The following GRID2 variants were observed in gnomAD, a reference collection of about 807,000 sequenced individuals.
The protein encoded by GRID2 is glutamate receptor ionotropic, delta-2.
In GRID2, 33 loss-of-function variants were observed where a neutral mutation model predicts 114.8. The ratio of observed to expected loss-of-function variants is 0.29; its 90% CI spans 0.22 to 0.38. The LOEUF is 0.38. GRID2 is among the 10% of genes least tolerant of loss of function. The probability of loss-of-function intolerance (pLI) is 1.00; values close to 1 mark genes in which losing one functional copy is unlikely to be tolerated. For synonymous variants in GRID2, 505 were observed against 449.9 expected, an observed-to-expected ratio of 1.12 and a Z score of -1.55; for missense variants, 1,184 against 1,257.7, an observed-to-expected ratio of 0.94 and a Z score of 0.89.
intron 4 of GRID2, among the ~76,000 whole-genome samples, chr4:93,182,054 T>G (rs1739944025): frequency 6.6e-6 from 1 of 152,170 alleles, no homozygotes; most frequent in Non-Finnish European, 1.5e-5. Context: ...CTATTTGGCC[T>G]GTCACATTGG....
At chr4:93,344,762 T>A (rs1461796065) in intron 8 of GRID2, among the ~76,000 whole-genome samples, 1 of 151,734 alleles carries the variant, frequency 6.6e-6, no homozygotes, top group Non-Finnish European at 1.5e-5. Flanking sequence ...TTAACCAGTA[T>A]CTCCCCATTT....
chr4:92,633,777 A>G (rs1730925443), intron 2 of GRID2, among the ~76,000 whole-genome samples: 1 of 152,170 alleles, frequency 6.6e-6, no homozygotes. Context: ...CTAAAAACAA[A>G]ATTACCAGTT....
chr4:93,113,984 A>G (rs1281747197), intron 4 of GRID2, among the ~76,000 whole-genome samples: 1 of 152,148 alleles, frequency 6.6e-6, no homozygotes, highest in Non-Finnish European at 1.5e-5. Flanking sequence ...TTTGGTGACG[A>G]AAGTAAGGGT....
chr4:92,435,027 C>A (rs1732667173), intron 1 of GRID2, among the ~76,000 whole-genome samples: 1 of 152,042 alleles, frequency 6.6e-6, no homozygotes, highest in Non-Finnish European at 1.5e-5. Context: ...ATATTTATAT[C>A]CAAGATTATT....
intron 2 of GRID2, among the ~76,000 whole-genome samples, chr4:92,975,156 C>CAAAAAAAAGAAAAAAAAAAA (rs1753785576): frequency 2.1e-5 from 1 of 46,692 alleles, no homozygotes. Flanking sequence ...GATTCCGCCT[C>CAAAAAAAAGAAAAAAAAAAA]AAAAAAAAAA....
At position 92,550,507 on chromosome 4, in the gene GRID2, G is replaced by A. The variant is rs191667977; in HGVS notation, c.89-39624G>A. ...CAACCCATTTTTTAAAAAAGTATGA[G>A]TATAATCTGGATTCCTGTGAGTATA... On this transcript the variant is annotated intron_variant, in intron 1 of 15. Transcript: ENST00000282020. 7.2e-4 allele frequency among the ~76,000 whole-genome samples: 110 copies of A among 152,198 alleles called. 1 individual carries two copies. The highest frequency in any genetic ancestry group is 7.1e-3 in the Admixed American group (109 of 15,272).
Position 92,900,936 on chromosome 4 carries a change from C to CTGTGTGTGTGTGTGTGTGTGTG in GRID2, c.245-184046_245-184045insGTGTGTGTGTGTGTGTGTGTGT, listed in dbSNP as rs67753622. On this transcript the variant is annotated intron_variant, in intron 2 of 15. Coordinates refer to ENST00000282020, the MANE Select transcript of GRID2 (RefSeq NM_001510.4). ...TGTTTTATGACTGAGTAGTATTCGT[C>CTGTGTGTGTGTGTGTGTGTGTG]TGTGTGTGTGTGTATTTCCCATTTT... Among the ~76,000 whole-genome samples the CTGTGTGTGTGTGTGTGTGTGTG allele has an allele frequency of 8.1e-4, 122 of 149,870 alleles. 2 individuals are homozygous for CTGTGTGTGTGTGTGTGTGTGTG. The highest frequency in any genetic ancestry group is 2.1e-3 in the African/African-American group (87 of 40,698).
intron 3 of GRID2, among the ~76,000 whole-genome samples, chr4:93,094,781 A>G (rs148697809): frequency 8.3e-4 from 127 of 152,178 alleles, no homozygotes; most frequent in South Asian, 4.8e-3. Context: ...AGATGGGAAA[A>G]CAAAGATAAA....
intron 1 of GRID2, among the ~76,000 whole-genome samples, chr4:92,353,481 G>T (rs182944413): frequency 1.3e-5 from 2 of 151,788 alleles, no homozygotes; most frequent in South Asian, 2.1e-4. Flanking sequence ...CCTTCCTCAG[G>T]GTTTGTTGTT....
intron 13 of GRID2, among the ~76,000 whole-genome samples, chr4:93,547,085 C>T (rs986891443): frequency 1.3e-5 from 2 of 152,164 alleles, no homozygotes; most frequent in Admixed American, 6.5e-5. Context: ...CAACCCTGTT[C>T]TCAAAATTCA....
exon 2 of GRID2, chr4:93,808,510 C>A (rs1468479020): frequency 6.6e-6 from 1 of 152,176 alleles, no homozygotes; most frequent in East Asian, 1.9e-4. Flanking sequence ...TACTCTTACC[C>A]ACTCTGTTCC....
At chr4:93,281,585 A>G (rs1308386513) in intron 8 of GRID2, among the ~76,000 whole-genome samples, 1 of 152,078 alleles carries the variant, frequency 6.6e-6, no homozygotes, top group Non-Finnish European at 1.5e-5. Flanking sequence ...TGCAATTCAC[A>G]TAATATAGTG....
At chr4:92,665,328 C>T (rs556507977) in intron 2 of GRID2, among the ~76,000 whole-genome samples, 5 of 149,236 alleles carry the variant, frequency 3.4e-5, no homozygotes, top group African/African-American at 7.3e-5. Flanking sequence ...AGCTTAGTTT[C>T]CACCCTGTTC....
chr4:92,860,099 C>CT (rs199618979), intron 2 of GRID2, among the ~76,000 whole-genome samples: 25 of 151,214 alleles, frequency 1.7e-4, no homozygotes, highest in South Asian at 4.2e-4. Flanking sequence ...AAAGAATTGT[C>CT]TTTTTTTTTC....
At chr4:92,495,563 G>T (rs1008692831) in intron 1 of GRID2, among the ~76,000 whole-genome samples, 2 of 151,786 alleles carry the variant, frequency 1.3e-5, no homozygotes, top group Non-Finnish European at 2.9e-5. Context: ...CAGAAATTAA[G>T]GGAACTAACA....
At chr4:93,806,280 A>C (rs754552217) in intron 1 of GRID2, among the ~76,000 whole-genome samples, 12 of 152,352 alleles carry the variant, frequency 7.9e-5, no homozygotes, top group Non-Finnish European at 1.5e-4. Flanking sequence ...GTAAGATTCA[A>C]GATCTAAGCA....
At chr4:93,352,825 G>A (rs1437854967) in intron 8 of GRID2, among the ~76,000 whole-genome samples, 1 of 151,980 alleles carries the variant, frequency 6.6e-6, no homozygotes, top group South Asian at 2.1e-4. Context: ...ACATGGTGGG[G>A]TACAATGGAG....
chr4:93,347,536 T>C (rs914244080), intron 8 of GRID2, among the ~76,000 whole-genome samples: 4 of 152,166 alleles, frequency 2.6e-5, no homozygotes, highest in Non-Finnish European at 5.9e-5. Flanking sequence ...GAAAAAATTA[T>C]TCCTTATATG....
At chr4:93,626,458 T>G (rs765605480) in intron 14 of GRID2, 23 bp downstream of exon 14, 2 of 1,501,992 alleles carry the variant, frequency 1.3e-6, no homozygotes, top group East Asian at 4.6e-5. Context: ...TATGACCAAA[T>G]AAGGGGAGAG....
Sources: allele counts gnomAD v4.1 joint callset (sites outside exome capture counted in the v4.1 genomes callset), GRCh38; gene constraint gnomAD v4.1.1; transcripts MANE v1.5; gene names NCBI Gene and HGNC (gene_info 2026-07-23, HGNC 2026-07-21).